Variants in PSMD5 observed in about 807,000 individuals in gnomAD.
The protein encoded by PSMD5 is 26S proteasome non-ATPase regulatory subunit 5.
PSMD5 carries 40 observed loss-of-function variants against 52.1 expected under a neutral mutation model. That is an observed-to-expected ratio of 0.77 (90% CI 0.60 to 1.00). PSMD5 has a LOEUF of 1.00. Among genes scored for constraint, PSMD5 ranks in the 50% least tolerant of loss-of-function variants. The pLI is 0.00. For synonymous variants in PSMD5, 211 were observed against 226.6 expected (o/e 0.93, Z 0.62); for missense variants, 575 against 605.2 (o/e 0.95, Z 0.52).
intron 9 of PSMD5, among the ~76,000 whole-genome samples, chr9:120,818,756 G>GA (rs962992130): frequency 0.011 from 1,240 of 117,848 alleles, 19 homozygotes; most frequent in East Asian, 0.035. Context: ...ACATTGAAGA[G>GA]AAAAAAAAAA....
intron 6 of PSMD5, among the ~76,000 whole-genome samples, chr9:120,826,148 C>T (rs530182140): frequency 6.6e-6 from 1 of 152,220 alleles, no homozygotes; most frequent in South Asian, 2.1e-4. Context: ...GCACCCACCA[C>T]CATGCCCGGC....
At chr9:120,835,791 G>A (rs2045194378) in intron 1 of PSMD5, among the ~76,000 whole-genome samples, 1 of 151,958 alleles carries the variant, frequency 6.6e-6, no homozygotes. Context: ...GAGGAACGGG[G>A]AAGAGGAGGA....
In PSMD5 at chr9:120,831,855, C is replaced by A. The variant is rs756059765; in HGVS notation, c.409G>T (p.Glu137Ter). The change falls in exon 3 of 10, where the codon GAG (glutamate) becomes TAG (stop). Residue 137 changes from glutamate to a stop codon, truncating the protein, a stop_gained. Coordinates refer to ENST00000210313, the MANE Select transcript of PSMD5 (RefSeq NM_005047.4). LOFTEE classifies it high-confidence loss of function. Reference protein sequence around the residue: ...LKQIVYCIGGENLSVAKAAIK... With the variant: ...LKQIVYCIGG Reference sequence around the variant, plus strand: ...ACCGCTTTTGCTACAGATAGATTCTCTCCACCAATGCAATAAACAATTTGT... The same window carrying A: ...ACCGCTTTTGCTACAGATAGATTCTATCCACCAATGCAATAAACAATTTGT... The A allele has an allele frequency of 6.2e-7, 1 of 1,613,280 alleles. No homozygotes were observed. The highest frequency in any genetic ancestry group is 1.7e-5 in the Admixed American group (1 of 59,966).
chr9:120,819,024 C>T (rs1291686609), intron 9 of PSMD5, among the ~76,000 whole-genome samples: 5 of 152,134 alleles, frequency 3.3e-5, no homozygotes, highest in Non-Finnish European at 7.4e-5. Flanking sequence ...AAAATAAACA[C>T]ACACTAATAC....
Position 120,831,388 on chromosome 9 carries a change from C to T in PSMD5, c.504G>A (p.Leu168=), listed in dbSNP as rs776694843. Residue 168 remains leucine (L), a synonymous_variant, in exon 4 of 10, where the codon CTG becomes CTA. Coordinates refer to ENST00000210313, the MANE Select transcript of PSMD5 (RefSeq NM_005047.4). The part of the protein sequence containing the change: ...GLEALFESNL[L]DDLKSVMKTN... ...TTTTCATTACACTTTTCAAATCATC[C>T]AGCAGATTGCTTTCAAATAAAGCCT... 17 of 1,612,516 alleles carry T rather than the reference C, an allele frequency of 1.1e-5. No individual in the cohort carries two copies. The highest frequency in any genetic ancestry group is 5.1e-6 in the Non-Finnish European group (6 of 1,179,518).
intron 1 of PSMD5, among the ~76,000 whole-genome samples, chr9:120,836,559 G>C (rs1463962661): frequency 2.6e-5 from 4 of 151,854 alleles, no homozygotes; most frequent in Non-Finnish European, 4.4e-5. Flanking sequence ...ACCAAGCCCA[G>C]CTAATTTTTG....
At chr9:120,826,289 C>T (rs376957730) in intron 6 of PSMD5, among the ~76,000 whole-genome samples, 111 of 152,284 alleles carry the variant, frequency 7.3e-4, no homozygotes, top group African/African-American at 2.4e-3. Flanking sequence ...CCACTGCGCC[C>T]GGCCTTGTTC....
At chr9:120,819,901 G>A (rs927472534) in intron 9 of PSMD5, among the ~76,000 whole-genome samples, 1 of 151,922 alleles carries the variant, frequency 6.6e-6, no homozygotes, top group African/African-American at 2.4e-5. Flanking sequence ...ATCCTGTATC[G>A]CATCCTCAGG....
chr9:120,835,142 T>C (rs1283834121), intron 1 of PSMD5, among the ~76,000 whole-genome samples: 2 of 152,210 alleles, frequency 1.3e-5, no homozygotes, highest in African/African-American at 4.8e-5. Flanking sequence ...TTAAGAATGT[T>C]TTTATACCAA....
In PSMD5 at chr9:120,817,728, C is replaced by A; in HGVS notation, c.*178G>T. 1.4e-6 allele frequency: 1 copy of A among 718,866 alleles called. No individual in the cohort carries two copies. The highest frequency in any genetic ancestry group is 2.2e-6 in the Non-Finnish European group (1 of 450,592). The allele number at this position is 718,866 out of a possible 1,614,324, so 44.5% of individuals were successfully genotyped here. ...TCTGCTCTTAATGCATTCCAAACTC[C>A]TAGTTCCACTTTGCATTTCAATGTA... On this transcript the variant is annotated 3_prime_UTR_variant, in exon 10 of 10. Coordinates refer to ENST00000210313, the MANE Select transcript of PSMD5 (RefSeq NM_005047.4).
At chr9:120,820,682 C>A (rs1486435805) in intron 9 of PSMD5, among the ~76,000 whole-genome samples, 157 bp downstream of exon 9, 2 of 152,218 alleles carry the variant, frequency 1.3e-5, no homozygotes, top group Non-Finnish European at 2.9e-5. Flanking sequence ...TCTGTTTACA[C>A]ATCTGTCTCC....
rs1012153105 is a variant in PSMD5 at position 120,822,187 on chromosome 9, C to T, written c.1007-723G>A. Among the ~76,000 whole-genome samples, 8 of 152,012 alleles carry T rather than the reference C, an allele frequency of 5.3e-5. No individual in the cohort carries two copies. In the South Asian group the frequency reaches 1.0e-3, roughly 20 times the overall value. On this transcript the variant is annotated intron_variant, in intron 7 of 9. Coordinates refer to ENST00000210313, the MANE Select transcript of PSMD5 (RefSeq NM_005047.4). ...ATGAGATTTTTTTAAAGTATGCTCT[C>T]ATACACTATGACCTCTACCAACCTA...
Position 120,833,321 on chromosome 9 carries a change from A to G in PSMD5, c.309T>C (p.Thr103=), listed in dbSNP as rs1564477397. 1.9e-6 allele frequency: 3 copies of G among 1,613,824 alleles called. No individual in the cohort carries two copies. Among genetic ancestry groups the G allele is most frequent in the African/African-American group, 1.3e-5 (1 of 74,932 alleles). ...TAGTAGAATTTCATACCTGGGAAAG[A>G]GTGAGGATTTTTACAGAATCATCAG... ...IHPDDSVKIL[T]LSQIGRIVEN... The change falls in exon 2 of 10, where the codon ACT becomes ACC. Residue 103 remains threonine, a synonymous_variant. Transcript: ENST00000210313.
chr9:120,833,520 T>A, intron 1 of PSMD5, 64 bp from the exon 2 acceptor site: 1 of 1,516,566 alleles, frequency 6.6e-7, no homozygotes, highest in Non-Finnish European at 9.0e-7. Flanking sequence ...AACAACCTAA[T>A]AATAGCTGAA....
chr9:120,834,043 G>A (rs928559385), intron 1 of PSMD5, among the ~76,000 whole-genome samples: 3 of 139,454 alleles, frequency 2.2e-5, no homozygotes, highest in Non-Finnish European at 3.0e-5. Flanking sequence ...ACAGTGGCAC[G>A]ATCTCTGCTC....
intron 1 of PSMD5, 35 bp from the exon 2 acceptor site, chr9:120,833,491 T>A: frequency 6.3e-7 from 1 of 1,590,746 alleles, no homozygotes; most frequent in Admixed American, 1.7e-5. Context: ...TTAGTTCATA[T>A]CCTGCCCAGG....
At chr9:120,823,109 T>C (rs985626888) in intron 7 of PSMD5, among the ~76,000 whole-genome samples, 1 of 152,162 alleles carries the variant, frequency 6.6e-6, no homozygotes. Flanking sequence ...TTTCAACATA[T>C]GTGTCTCAAG....
rs532296948 is a variant in PSMD5 at position 120,835,372 on chromosome 9, G to C, written c.174-1916C>G. The stretch of plus-strand genomic sequence containing the variant: ...AAGTGAAATAAGCCAGACACAAAAG[G>C]CTTCCTTTTGAGAATGATTCTGTTT... On this transcript the variant is annotated intron_variant, in intron 1 of 9. Transcript: ENST00000210313. Among the ~76,000 whole-genome samples the C allele has an allele frequency of 2.0e-5, 3 of 152,082 alleles. No homozygotes were observed. The South Asian group carries it at 6.2e-4, about 32-fold the overall frequency.
Position 120,817,700 on chromosome 9 carries a change from T to G in PSMD5, c.*206A>C. Reference sequence around the variant, plus strand: ...AACACTGGATCTATTATGACCAAGCTTGTCTGCTCTTAATGCATTCCAAAC... The same window carrying G: ...AACACTGGATCTATTATGACCAAGCGTGTCTGCTCTTAATGCATTCCAAAC... On this transcript the variant is annotated 3_prime_UTR_variant, in exon 10 of 10. Transcript: ENST00000210313. The G allele has an allele frequency of 1.8e-6, 1 of 570,728 alleles. No individual in the cohort carries two copies. The highest frequency in any genetic ancestry group is 3.0e-6 in the Non-Finnish European group (1 of 330,974). 35.4% of individuals were successfully genotyped at this position (570,728 alleles called of 1,614,324 possible).
Sources: allele counts gnomAD v4.1 joint callset (sites outside exome capture counted in the v4.1 genomes callset), GRCh38; gene constraint gnomAD v4.1.1; transcripts MANE v1.5; gene names NCBI Gene and HGNC (gene_info 2026-07-23, HGNC 2026-07-21).